PTPRD: variants seen among roughly 807,000 people sequenced by gnomAD.
PTPRD encodes protein tyrosine phosphatase receptor type D, also known as receptor-type tyrosine-protein phosphatase delta.
Under a neutral mutation model 214.5 loss-of-function variants are expected in PTPRD, and 34 were observed. The ratio of observed to expected loss-of-function variants is 0.16; its 90% CI spans 0.12 to 0.21. The LOEUF (loss-of-function observed/expected upper bound fraction) is 0.21, where lower values mean the gene tolerates loss of function less well. Ranked by LOEUF, PTPRD falls within the 10% of genes least tolerant of loss-of-function variation. The probability of loss-of-function intolerance (pLI) is 1.00; values close to 1 mark genes in which losing one functional copy is unlikely to be tolerated. For synonymous variants in PTPRD, 1,128 were observed against 845.7 expected, an observed-to-expected ratio of 1.33 and a Z score of -5.79; for missense variants, 2,545 against 2,398.7, an observed-to-expected ratio of 1.06 and a Z score of -1.27.
chr9:10,408,147 C>T lies in PTPRD; in HGVS notation c.-599-67130G>A, dbSNP rs74498564. On this transcript the variant is annotated intron_variant, in intron 2 of 45. Coordinates refer to ENST00000381196, the MANE Select transcript of PTPRD (RefSeq NM_002839.4). Reference sequence around the variant, plus strand: ...GTTTCTTCTACCTTTCTTGTGACTCCGACTTATCTGAAAACAAGTGACAAC... The same window carrying T: ...GTTTCTTCTACCTTTCTTGTGACTCTGACTTATCTGAAAACAAGTGACAAC... Among the ~76,000 whole-genome samples the T allele has an allele frequency of 3.7e-3, 554 of 151,484 alleles. 4 individuals are homozygous for T. The highest frequency in any genetic ancestry group is 0.013 in the African/African-American group (523 of 41,394).
chr9:9,327,592 T>C (rs933539812), intron 9 of PTPRD, among the ~76,000 whole-genome samples: 1 of 152,138 alleles, frequency 6.6e-6, no homozygotes, highest in Admixed American at 6.6e-5. Context: ...ACATCTTGTA[T>C]TCACTGAAAT....
At position 9,738,439 on chromosome 9, in the gene PTPRD, C is replaced by CTTT. The variant is rs71319292; in HGVS notation, c.-325-3871_-325-3869dup. 2.1e-3 allele frequency among the ~76,000 whole-genome samples: 163 copies of CTTT among 76,488 alleles called. 36 individuals are homozygous for CTTT. The highest frequency in any genetic ancestry group is 9.1e-3 in the African/African-American group (143 of 15,698). The allele number at this position is 76,488 out of a possible 152,430, so 50.2% of individuals were successfully genotyped here. The stretch of plus-strand genomic sequence containing the variant: ...TGTATTAAAATTCTTCACTCACTCA[C>CTTT]TTTTTTTTTTTTTTTTTTTTTTGAG... On this transcript the variant is annotated intron_variant, in intron 6 of 45. Coordinates refer to ENST00000381196, the MANE Select transcript of PTPRD (RefSeq NM_002839.4).
At chr9:9,271,581 T>TTA (rs1162003023) in intron 9 of PTPRD, among the ~76,000 whole-genome samples, 2 of 151,410 alleles carry the variant, frequency 1.3e-5, no homozygotes, top group African/African-American at 4.8e-5. Context: ...ACTAATTAAA[T>TTA]TATTAAAATC....
intron 5 of PTPRD, among the ~76,000 whole-genome samples, chr9:9,773,273 G>A (rs1451742773): frequency 6.6e-6 from 1 of 152,070 alleles, no homozygotes; most frequent in East Asian, 1.9e-4. Context: ...GAATAAAGAA[G>A]GATATATGCC....
chr9:8,695,097 T>G (rs944648245), intron 12 of PTPRD, among the ~76,000 whole-genome samples: 3 of 152,198 alleles, frequency 2.0e-5, no homozygotes, highest in Non-Finnish European at 2.9e-5. Context: ...TTTCTCATTG[T>G]GCTGGTTTGT....
chr9:9,102,496 G>A lies in PTPRD; in HGVS notation c.-143+80808C>T, dbSNP rs960292268. 9.9e-5 allele frequency among the ~76,000 whole-genome samples: 15 copies of A among 152,252 alleles called. No homozygotes were observed. In the South Asian group the frequency reaches 1.0e-3, roughly 11 times the overall value. ...GAGAGGTGGCCTTCAGCCATTTGGC[G>A]TTCAGAAGCATGTAAGCCAGATTTG... On this transcript the variant is annotated intron_variant, in intron 10 of 45. Transcript: ENST00000381196.
At chr9:9,741,240 G>C (rs1267385940) in intron 6 of PTPRD, among the ~76,000 whole-genome samples, 2 of 151,976 alleles carry the variant, frequency 1.3e-5, no homozygotes, top group African/African-American at 4.8e-5. Context: ...ACAAATTAGA[G>C]GTACACATTT....
chr9:9,237,929 A>G (rs1402628404), intron 9 of PTPRD, among the ~76,000 whole-genome samples: 3 of 152,080 alleles, frequency 2.0e-5, no homozygotes, highest in Admixed American at 6.6e-5. Flanking sequence ...TGTTCCTTCC[A>G]TTTACTTCTG....
At chr9:8,492,614 CAAAA>C (rs34457270) in intron 27 of PTPRD, among the ~76,000 whole-genome samples, 9,446 of 104,588 alleles carry the variant, frequency 0.09, 335 homozygotes, top group South Asian at 0.13. Flanking sequence ...AGAAGGTGCT[CAAAA>C]AAAAAAAAAA....
Position 9,973,603 on chromosome 9 carries a change from A to G in PTPRD, c.-471-34993T>C, listed in dbSNP as rs2095236700. On this transcript the variant is annotated intron_variant, in intron 4 of 45. Coordinates refer to ENST00000381196, the MANE Select transcript of PTPRD (RefSeq NM_002839.4). Reference sequence around the variant, plus strand: ...ACTAACTTTCTTCGCTAGGAAAGGAAGAAGCTGCATTCTCTTTATATCTGT... The same window carrying G: ...ACTAACTTTCTTCGCTAGGAAAGGAGGAAGCTGCATTCTCTTTATATCTGT... Among the ~76,000 whole-genome samples, 3 of 152,186 alleles carry G rather than the reference A, an allele frequency of 2.0e-5. No individual in the cohort carries two copies. In the South Asian group the frequency reaches 6.2e-4, roughly 32 times the overall value.
chr9:8,338,808 T>C (rs536478430), intron 43 of PTPRD, 114 bp downstream of exon 43: 9 of 964,894 alleles, frequency 9.3e-6, no homozygotes, highest in Non-Finnish European at 1.3e-5. Flanking sequence ...AATGAATGAT[T>C]TCTCTTTGGG....
intron 5 of PTPRD, among the ~76,000 whole-genome samples, chr9:9,825,057 A>G (rs1403315272): frequency 6.6e-6 from 1 of 151,912 alleles, no homozygotes; most frequent in South Asian, 2.1e-4. Flanking sequence ...CAGTTCCTAA[A>G]TCCATTAATT....
intron 9 of PTPRD, among the ~76,000 whole-genome samples, chr9:9,385,913 T>C (rs1400923994): frequency 6.6e-6 from 1 of 152,178 alleles, no homozygotes; most frequent in Non-Finnish European, 1.5e-5. Flanking sequence ...TTTTAAAATA[T>C]GCTGTATCAT....
intron 7 of PTPRD, among the ~76,000 whole-genome samples, chr9:9,619,965 A>C (rs2095143436): frequency 6.6e-6 from 1 of 151,706 alleles, no homozygotes; most frequent in Admixed American, 6.6e-5. Context: ...ATATCTCCAC[A>C]TATATATGGA....
At chr9:10,504,460 T>C (rs1464155179) in intron 2 of PTPRD, among the ~76,000 whole-genome samples, 1 of 152,158 alleles carries the variant, frequency 6.6e-6, no homozygotes, top group African/African-American at 2.4e-5. Flanking sequence ...CCACATGGTA[T>C]TATTGCCTCA....
intron 5 of PTPRD, among the ~76,000 whole-genome samples, chr9:9,832,275 G>A (rs914310184): frequency 9.2e-5 from 14 of 152,020 alleles, no homozygotes; most frequent in African/African-American, 3.1e-4. Flanking sequence ...AGTACCAGAA[G>A]CAAAGTAGAC....
chr9:9,474,525 T>G (rs1429963921), intron 8 of PTPRD, among the ~76,000 whole-genome samples: 1 of 152,140 alleles, frequency 6.6e-6, no homozygotes, highest in East Asian at 1.9e-4. Flanking sequence ...TATAGATTGC[T>G]TTGGTCGTTA....
chr9:9,257,642 T>C (rs918782468), intron 9 of PTPRD, among the ~76,000 whole-genome samples: 4 of 151,442 alleles, frequency 2.6e-5, no homozygotes, highest in African/African-American at 7.3e-5. Flanking sequence ...AAATAAAAAA[T>C]AAAAAACGTA....
rs200598527 is a variant in PTPRD at position 8,513,034 on chromosome 9, G to C, written c.1543+4814C>G. On this transcript the variant is annotated intron_variant, in intron 21 of 45. Coordinates refer to ENST00000381196, the MANE Select transcript of PTPRD (RefSeq NM_002839.4). ...TTCTAATAATGAAAATATTTTTCTAGCTTAATATAAATACTTTCCTTGTCA... is the reference window on the plus strand; with the variant it reads ...TTCTAATAATGAAAATATTTTTCTACCTTAATATAAATACTTTCCTTGTCA... Among the ~76,000 whole-genome samples the C allele has an allele frequency of 2.5e-4, 38 of 151,874 alleles. No individual in the cohort carries two copies. The East Asian group carries it at 7.2e-3, about 29-fold the overall frequency.
Sources: allele counts gnomAD v4.1 joint callset (sites outside exome capture counted in the v4.1 genomes callset), GRCh38; gene constraint gnomAD v4.1.1; transcripts MANE v1.5; gene names NCBI Gene and HGNC (gene_info 2026-07-23, HGNC 2026-07-21).